Variants in LGALS4 observed in about 807,000 individuals in gnomAD.
LGALS4 encodes the protein galectin-4.
In LGALS4, 37 loss-of-function variants were observed where a neutral mutation model predicts 39.6. That is an observed-to-expected ratio of 0.93 (90% CI 0.72 to 1.23). The LOEUF is 1.23. Ranked by LOEUF, LGALS4 falls within the 50% of genes most tolerant of loss-of-function variation. The pLI is 0.00. For synonymous variants in LGALS4, 160 were observed against 165.5 expected (o/e 0.97, Z 0.25); for missense variants, 397 against 433.2 (o/e 0.92, Z 0.74).
At chr19:38,808,529 C>T (rs1040194495) in intron 3 of LGALS4, among the ~76,000 whole-genome samples, 2 of 149,542 alleles carry the variant, frequency 1.3e-5, no homozygotes, top group African/African-American at 2.5e-5. Flanking sequence ...GAGGCTGAGG[C>T]AGGAGAAGCT....
intron 2 of LGALS4, among the ~76,000 whole-genome samples, chr19:38,809,529 G>A (rs1329308560): frequency 6.6e-6 from 1 of 151,262 alleles, no homozygotes. Flanking sequence ...CCCCCAGGCT[G>A]GAGTACAGTG....
intron 7 of LGALS4, chr19:38,803,151 A>C: frequency 8.7e-6 from 2 of 228,898 alleles, no homozygotes; most frequent in Non-Finnish European, 1.7e-5. Context: ...AGTAGCTGGG[A>C]TTACAGGCGC....
At chr19:38,806,993 G>T (rs930701924) in intron 3 of LGALS4, among the ~76,000 whole-genome samples, 1 of 150,926 alleles carries the variant, frequency 6.6e-6, no homozygotes, top group Non-Finnish European at 1.5e-5. Context: ...ATTGGGAGTC[G>T]ATAGTCTTGG....
chr19:38,801,687 G>A lies in LGALS4; in HGVS notation c.*77C>T. The stretch of plus-strand genomic sequence containing the variant: ...GACACACACTCATGAGACACCCTCA[G>A]ACATTTTATTAGGGGCTTAGAAAGG... On this transcript the variant is annotated 3_prime_UTR_variant, in exon 10 of 10. Transcript: ENST00000307751. The A allele has an allele frequency of 1.3e-6, 2 of 1,510,094 alleles. No individual in the cohort carries two copies. The highest frequency in any genetic ancestry group is 1.8e-6 in the Non-Finnish European group (2 of 1,101,732). 93.5% of individuals were successfully genotyped at this position (1,510,094 alleles called of 1,614,324 possible). A position where few individuals can be genotyped will look rare whatever the true frequency, so the allele number is the denominator to read the frequency against.
At chr19:38,812,634 A>T in intron 1 of LGALS4, 115 bp from the exon 2 acceptor site, 1 of 1,049,624 alleles carries the variant, frequency 9.5e-7, no homozygotes, top group Admixed American at 1.9e-5. Flanking sequence ...ATGGGGGAGG[A>T]CCAGGTTGAA....
chr19:38,808,506 C>T (rs1167810181), intron 3 of LGALS4, among the ~76,000 whole-genome samples: 1 of 151,910 alleles, frequency 6.6e-6, no homozygotes, highest in Non-Finnish European at 1.5e-5. Flanking sequence ...CGCCTATAAT[C>T]CCAGCTACTC....
chr19:38,804,966 G>T (rs1032541183), intron 4 of LGALS4, among the ~76,000 whole-genome samples: 1 of 151,842 alleles, frequency 6.6e-6, no homozygotes, highest in Non-Finnish European at 1.5e-5. Context: ...GACCAGCCTG[G>T]ACAACATAGG....
intron 6 of LGALS4, 86 bp from the exon 7 acceptor site, chr19:38,803,637 G>C (rs1208457384): frequency 4.4e-6 from 7 of 1,593,640 alleles, no homozygotes; most frequent in Non-Finnish European, 5.2e-6. Flanking sequence ...GTTTCTCTAG[G>C]TGCTGGGTTA....
chr19:38,807,365 T>C (rs115498587), intron 3 of LGALS4, among the ~76,000 whole-genome samples: 1,902 of 151,964 alleles, frequency 0.013, 33 homozygotes, highest in African/African-American at 0.044. Flanking sequence ...AGACCCAGTC[T>C]CAAGAGGAAA....
chr19:38,812,759 C>A (rs1600003305), intron 1 of LGALS4, 83 bp downstream of exon 1: 1 of 1,494,864 alleles, frequency 6.7e-7, no homozygotes, highest in Non-Finnish European at 9.2e-7. Context: ...AGATGGGGCC[C>A]CCCAGGATCA....
At chr19:38,803,600 T>C (rs1971387026) in intron 6 of LGALS4, 49 bp from the exon 7 acceptor site, 2 of 1,607,260 alleles carry the variant, frequency 1.2e-6, no homozygotes, top group Non-Finnish European at 1.7e-6. Context: ...TCGACAGATA[T>C]CTATGACACA....
chr19:38,803,307 A>T (rs1971382793), intron 7 of LGALS4: 2 of 605,356 alleles, frequency 3.3e-6, no homozygotes, highest in Non-Finnish European at 5.9e-6. Context: ...GTGAGCCACC[A>T]TGTCCAGCCC....
intron 8 of LGALS4, 37 bp downstream of exon 8, chr19:38,802,279 G>T: frequency 1.9e-6 from 3 of 1,601,854 alleles, no homozygotes; most frequent in Non-Finnish European, 2.6e-6. Context: ...TCTGAGGGAG[G>T]AGGGGGCTGG....
intron 3 of LGALS4, among the ~76,000 whole-genome samples, chr19:38,807,146 C>T (rs1384001253): frequency 3.3e-5 from 5 of 152,022 alleles, no homozygotes; most frequent in African/African-American, 9.7e-5. Context: ...GGTGGGGGAT[C>T]ATTTGAGATC....
chr19:38,808,864 C>T lies in LGALS4; in HGVS notation c.219G>A (p.Lys73=), dbSNP rs781385529. The T allele has an allele frequency of 1.2e-6, 2 of 1,614,042 alleles. No homozygotes were observed. Among genetic ancestry groups the T allele is most frequent in the African/African-American group, 2.7e-5 (2 of 74,922 alleles). The change falls in exon 3 of 10, where the codon AAG becomes AAA. Residue 73 remains lysine, a synonymous_variant. Transcript: ENST00000307751. ...HFNPRFDGWD[K]VVFNTLQGGK... ...CGCCCTGCAACGTGTTGAAGACCAC[C>T]TTGTCCCAGCCGTCAAACCGCGGAT...
At chr19:38,807,910 C>T (rs1248631609) in intron 3 of LGALS4, among the ~76,000 whole-genome samples, 4 of 152,042 alleles carry the variant, frequency 2.6e-5, no homozygotes, top group East Asian at 1.9e-4. Flanking sequence ...TAAACAGAGG[C>T]TTGAAGGCAG....
chr19:38,810,010 C>T (rs1045672066), intron 2 of LGALS4, among the ~76,000 whole-genome samples: 2 of 152,338 alleles, frequency 1.3e-5, no homozygotes, highest in East Asian at 3.9e-4. Context: ...CTTGAAATTA[C>T]TCCCCAGGAC....
At chr19:38,803,494 C>A in intron 7 of LGALS4, 28 bp downstream of exon 7, 4 of 1,612,302 alleles carry the variant, frequency 2.5e-6, no homozygotes, top group Non-Finnish European at 3.4e-6. Context: ...CCCTCCCCAC[C>A]ATCCATCTCT....
intron 7 of LGALS4, 119 bp from the exon 8 acceptor site, chr19:38,802,523 C>T (rs1341348562): frequency 2.8e-6 from 2 of 722,246 alleles, no homozygotes; most frequent in East Asian, 2.7e-5. Flanking sequence ...GAGATGGGGT[C>T]TTACTCTGTC....
Sources: allele counts gnomAD v4.1 joint callset (sites outside exome capture counted in the v4.1 genomes callset), GRCh38; gene constraint gnomAD v4.1.1; transcripts MANE v1.5; gene names NCBI Gene and HGNC (gene_info 2026-07-23, HGNC 2026-07-21).